LRRC8C: variants seen among roughly 807,000 people sequenced by gnomAD.
The protein encoded by LRRC8C is leucine rich repeat containing 8 VRAC subunit C.
LRRC8C carries 20 observed loss-of-function variants against 55.3 expected under a neutral mutation model. That is an observed-to-expected ratio of 0.36 (90% CI 0.25 to 0.53). LRRC8C has a LOEUF of 0.53. Among genes scored for constraint, LRRC8C ranks in the 20% least tolerant of loss-of-function variants. LRRC8C has a pLI of 0.92. For missense variants in LRRC8C, 659 were observed against 951.4 expected, an observed-to-expected ratio of 0.69 and a Z score of 4.04; for synonymous variants, 376 against 360.7, an observed-to-expected ratio of 1.04 and a Z score of -0.48.
At chr1:89,673,189 T>C (rs534703397) in intron 1 of LRRC8C, among the ~76,000 whole-genome samples, 1 of 152,336 alleles carries the variant, frequency 6.6e-6, no homozygotes, top group South Asian at 2.1e-4. Flanking sequence ...TTAGCATTTG[T>C]GATTAATATA....
intron 2 of LRRC8C, among the ~76,000 whole-genome samples, chr1:89,694,180 G>T (rs1459175510): frequency 2.6e-5 from 4 of 151,818 alleles, no homozygotes; most frequent in South Asian, 2.1e-4. Flanking sequence ...TTTTATGGTG[G>T]TTTATTTGAA....
intron 1 of LRRC8C, among the ~76,000 whole-genome samples, chr1:89,663,862 T>C (rs771916397): frequency 6.6e-6 from 1 of 152,242 alleles, no homozygotes; most frequent in Non-Finnish European, 1.5e-5. Context: ...TTTATTTGCA[T>C]TTCTCTGATG....
chr1:89,633,598 G>C (rs1446463944), intron 1 of LRRC8C, among the ~76,000 whole-genome samples: 3 of 152,164 alleles, frequency 2.0e-5, no homozygotes, highest in South Asian at 2.1e-4. Flanking sequence ...CCAACGCCGC[G>C]CCGCAGCGGC....
Position 89,703,547 on chromosome 1 carries a change from T to TA in LRRC8C, c.139-9146dup, listed in dbSNP as rs75382206. Among the ~76,000 whole-genome samples the TA allele has an allele frequency of 3.2e-3, 406 of 126,674 alleles. 1 individual carries two copies. The highest frequency in any genetic ancestry group is 0.016 in the East Asian group (72 of 4,486). The allele number at this position is 126,674 out of a possible 152,430, so 83.1% of individuals were successfully genotyped here. A position where few individuals can be genotyped will look rare whatever the true frequency, so the allele number is the denominator to read the frequency against. On this transcript the variant is annotated intron_variant, in intron 2 of 2. Coordinates refer to ENST00000370454, the MANE Select transcript of LRRC8C (RefSeq NM_032270.5). ...AACAAACACAATCAAGTACAGATTGTAAAAAAAAAAAAAAAAGTTTCAAAA... is the reference window on the plus strand; with the variant it reads ...AACAAACACAATCAAGTACAGATTGTAAAAAAAAAAAAAAAAAGTTTCAAAA...
At chr1:89,658,308 G>T (rs527604940) in intron 1 of LRRC8C, among the ~76,000 whole-genome samples, 2 of 152,282 alleles carry the variant, frequency 1.3e-5, no homozygotes, top group East Asian at 3.9e-4. Context: ...TTTGAAAACA[G>T]CCTAAGGGTC....
At chr1:89,668,411 C>T (rs115572869) in intron 1 of LRRC8C, 1 of 152,182 alleles carries the variant, frequency 6.6e-6, no homozygotes. Flanking sequence ...CCTAGTGACT[C>T]CTTCATGGAC....
At chr1:89,688,480 G>T (rs895499795) in intron 2 of LRRC8C, among the ~76,000 whole-genome samples, 2 of 152,200 alleles carry the variant, frequency 1.3e-5, no homozygotes, top group Non-Finnish European at 2.9e-5. Flanking sequence ...CTGCAGGTAA[G>T]ATAGAAGCTG....
At chr1:89,626,962 C>G in the LRRC8C span, 1 of 76,996 alleles carries the variant, frequency 1.3e-5, no homozygotes, top group South Asian at 4.0e-4. Flanking sequence ...CTAGTCTAGA[C>G]ACACACACAC....
chr1:89,698,671 T>TAAGGG (rs1658236828), intron 2 of LRRC8C, among the ~76,000 whole-genome samples: 1 of 152,168 alleles, frequency 6.6e-6, no homozygotes, highest in South Asian at 2.1e-4. Flanking sequence ...TTAATGCACT[T>TAAGGG]ATCTCTTCAA....
intron 2 of LRRC8C, among the ~76,000 whole-genome samples, chr1:89,695,818 C>G (rs777340958): frequency 6.6e-6 from 1 of 152,158 alleles, no homozygotes; most frequent in Non-Finnish European, 1.5e-5. Flanking sequence ...CTCATATGCT[C>G]TTAGTATGAG....
the LRRC8C span, among the ~76,000 whole-genome samples, chr1:89,619,547 C>CT: frequency 6.6e-6 from 1 of 150,484 alleles, no homozygotes; most frequent in Non-Finnish European, 1.5e-5. Flanking sequence ...ATTATGTTCA[C>CT]TTTTTAAACA....
chr1:89,635,085 A>G (rs1298523771), intron 1 of LRRC8C, among the ~76,000 whole-genome samples: 1 of 152,212 alleles, frequency 6.6e-6, no homozygotes, highest in Non-Finnish European at 1.5e-5. Flanking sequence ...GTATTTTTAA[A>G]AGGGAATGCT....
At chr1:89,711,850 T>C (rs1321857432) in intron 2 of LRRC8C, among the ~76,000 whole-genome samples, 1 of 152,238 alleles carries the variant, frequency 6.6e-6, no homozygotes, top group Non-Finnish European at 1.5e-5. Flanking sequence ...TTTATCTCTC[T>C]CTGAAGGAAG....
intron 1 of LRRC8C, among the ~76,000 whole-genome samples, chr1:89,647,737 A>G (rs1037439067): frequency 6.6e-6 from 1 of 152,172 alleles, no homozygotes; most frequent in Non-Finnish European, 1.5e-5. Context: ...TTTTATCTCA[A>G]AATGTGTTAT....
chr1:89,638,632 A>C (rs1435331475), intron 1 of LRRC8C, among the ~76,000 whole-genome samples: 1 of 152,108 alleles, frequency 6.6e-6, no homozygotes, highest in East Asian at 1.9e-4. Context: ...CATCCTCTGG[A>C]ATTAAATTAC....
At chr1:89,636,107 C>T (rs1016673402) in intron 1 of LRRC8C, among the ~76,000 whole-genome samples, 6 of 152,164 alleles carry the variant, frequency 3.9e-5, no homozygotes, top group Admixed American at 6.5e-5. Flanking sequence ...TCAGATTATT[C>T]AACTTCTTTG....
At chr1:89,702,776 A>G (rs1008989746) in intron 2 of LRRC8C, among the ~76,000 whole-genome samples, 10 of 152,270 alleles carry the variant, frequency 6.6e-5, no homozygotes, top group African/African-American at 2.2e-4. Context: ...CAATCAATCA[A>G]TAAAGTAGGT....
intron 1 of LRRC8C, among the ~76,000 whole-genome samples, chr1:89,643,270 A>G (rs1401859249): frequency 6.6e-6 from 1 of 152,154 alleles, no homozygotes; most frequent in Non-Finnish European, 1.5e-5. Context: ...TTTTGTGGAG[A>G]CAGGGTTTCA....
At chr1:89,699,061 TAAAC>T (rs1437468708) in intron 2 of LRRC8C, among the ~76,000 whole-genome samples, 2 of 151,298 alleles carry the variant, frequency 1.3e-5, no homozygotes, top group African/African-American at 4.9e-5. Flanking sequence ...AAATAAAAAA[TAAAC>T]GGTCAAGCTA....
Sources: allele counts gnomAD v4.1 joint callset (sites outside exome capture counted in the v4.1 genomes callset), GRCh38; gene constraint gnomAD v4.1.1; transcripts MANE v1.5; gene names NCBI Gene and HGNC (gene_info 2026-07-23, HGNC 2026-07-21).